The following LRRTM4 variants were observed in gnomAD, a reference collection of about 807,000 sequenced individuals.
The protein encoded by LRRTM4 is leucine rich repeat transmembrane neuronal 4.
Under a neutral mutation model 47.6 loss-of-function variants are expected in LRRTM4, and 25 were observed. The ratio of observed to expected loss-of-function variants is 0.53; its 90% confidence interval spans 0.38 to 0.73. The LOEUF is 0.73. Among genes scored for constraint, LRRTM4 ranks in the 30% least tolerant of loss-of-function variants. LRRTM4 has a pLI of 0.00. For synonymous variants in LRRTM4, 311 were observed against 269.5 expected (o/e 1.15, Z -1.51); for missense variants, 638 against 713.4 (o/e 0.89, Z 1.20).
At chr2:77,135,336 A>G (rs1671906444) in intron 3 of LRRTM4, among the ~76,000 whole-genome samples, 1 of 152,246 alleles carries the variant, frequency 6.6e-6, no homozygotes, top group East Asian at 1.9e-4. Flanking sequence ...TAAATGGCAC[A>G]TTGGCACATG....
Position 76,904,464 on chromosome 2 carries a change from A to G in LRRTM4, c.1552-155548T>C, listed in dbSNP as rs189098994. Among the ~76,000 whole-genome samples the G allele has an allele frequency of 2.1e-4, 32 of 152,350 alleles. No individual in the cohort carries two copies. In the East Asian group the frequency reaches 6.0e-3, roughly 28 times the overall value. ...GCTTTACAATTCCATATATTATTAT[A>G]GGAATATCTTTGTAAGGGAAAATAT... On this transcript the variant is annotated intron_variant, in intron 3 of 3. Coordinates refer to ENST00000409884, the MANE Select transcript of LRRTM4 (RefSeq NM_001134745.3).
chr2:76,843,598 G>C (rs1175524336), intron 3 of LRRTM4, among the ~76,000 whole-genome samples: 1 of 152,134 alleles, frequency 6.6e-6, no homozygotes, highest in Non-Finnish European at 1.5e-5. Flanking sequence ...GTAATAGTGT[G>C]ACTATGTTAA....
intron 3 of LRRTM4, among the ~76,000 whole-genome samples, chr2:77,427,892 C>T (rs960370998): frequency 6.6e-6 from 1 of 152,152 alleles, no homozygotes; most frequent in East Asian, 1.9e-4. Context: ...TTCCCATTTA[C>T]CAACTGATAC....
chr2:77,283,657 C>T (rs1478066156), intron 3 of LRRTM4, among the ~76,000 whole-genome samples: 6 of 152,082 alleles, frequency 3.9e-5, no homozygotes, highest in South Asian at 4.1e-4. Flanking sequence ...GTAATGAAAT[C>T]GTATCTTTTG....
intron 3 of LRRTM4, among the ~76,000 whole-genome samples, chr2:77,308,776 C>G (rs1329861815): frequency 7.4e-6 from 1 of 135,938 alleles, no homozygotes. Flanking sequence ...TTCTTTTGTT[C>G]TGTTTTATTT....
At chr2:77,261,253 T>C (rs920977616) in intron 3 of LRRTM4, among the ~76,000 whole-genome samples, 4 of 152,056 alleles carry the variant, frequency 2.6e-5, no homozygotes, top group African/African-American at 7.2e-5. Context: ...TGTGGTAAAT[T>C]TACACTCACC....
intron 3 of LRRTM4, among the ~76,000 whole-genome samples, chr2:77,005,942 A>G (rs1677626601): frequency 6.6e-6 from 1 of 152,154 alleles, no homozygotes; most frequent in African/African-American, 2.4e-5. Flanking sequence ...TATTTTACAT[A>G]CAGAGAAACT....
intron 3 of LRRTM4, among the ~76,000 whole-genome samples, chr2:77,259,732 G>A (rs2104035383): frequency 6.6e-6 from 1 of 152,112 alleles, no homozygotes; most frequent in African/African-American, 2.4e-5. Flanking sequence ...GGAGAAAAAT[G>A]AGCTAAGATA....
chr2:76,958,840 T>C (rs34256194), intron 3 of LRRTM4, among the ~76,000 whole-genome samples: 44,793 of 151,472 alleles, frequency 0.3, 9,618 homozygotes, highest in African/African-American at 0.61. Context: ...TTTTGAAATA[T>C]GCCCCCTTGC....
At chr2:76,774,860 C>A (rs1673893951) in intron 3 of LRRTM4, among the ~76,000 whole-genome samples, 2 of 152,170 alleles carry the variant, frequency 1.3e-5, no homozygotes, top group African/African-American at 4.8e-5. Flanking sequence ...ACGTAGTAAA[C>A]AAAGTCAAAG....
intron 3 of LRRTM4, among the ~76,000 whole-genome samples, chr2:77,117,676 T>A (rs1470380981): frequency 6.6e-6 from 1 of 152,010 alleles, no homozygotes; most frequent in East Asian, 1.9e-4. Flanking sequence ...TCAGCTGATT[T>A]AATTTTTTTA....
intron 3 of LRRTM4, among the ~76,000 whole-genome samples, chr2:76,796,748 G>C (rs1254907206): frequency 6.6e-6 from 1 of 151,290 alleles, no homozygotes; most frequent in African/African-American, 2.4e-5. Flanking sequence ...CTGAAAAGCA[G>C]AGCACCTCTC....
intron 3 of LRRTM4, among the ~76,000 whole-genome samples, chr2:77,360,285 G>GT (rs1226259302): frequency 6.6e-6 from 1 of 151,868 alleles, no homozygotes; most frequent in African/African-American, 2.4e-5. Context: ...GTGAAACCCC[G>GT]TATCTACTAA....
chr2:77,093,502 A>T (rs1391403555), intron 3 of LRRTM4, among the ~76,000 whole-genome samples: 2 of 151,774 alleles, frequency 1.3e-5, no homozygotes, highest in African/African-American at 2.4e-5. Context: ...CCTTCAGCTT[A>T]ATCTCTCCCT....
chr2:77,023,092 C>G (rs1010393018), intron 3 of LRRTM4, among the ~76,000 whole-genome samples: 1 of 152,246 alleles, frequency 6.6e-6, no homozygotes, highest in Admixed American at 6.5e-5. Context: ...CAATTCTTGA[C>G]TTCTGTGTAC....
chr2:77,461,675 A>G (rs1271437839), intron 3 of LRRTM4, among the ~76,000 whole-genome samples: 1 of 152,112 alleles, frequency 6.6e-6, no homozygotes, highest in East Asian at 1.9e-4. Flanking sequence ...TTTTGCTGTG[A>G]ACTTAAGCAA....
chr2:77,050,661 CAT>C lies in LRRTM4; in HGVS notation c.1552-301747_1552-301746del, dbSNP rs1201459069. Among the ~76,000 whole-genome samples the C allele has an allele frequency of 2.6e-5, 4 of 152,304 alleles. No individual in the cohort carries two copies. In the East Asian group the frequency reaches 7.7e-4, roughly 29 times the overall value. On this transcript the variant is annotated intron_variant, in intron 3 of 3. Coordinates refer to ENST00000409884, the MANE Select transcript of LRRTM4 (RefSeq NM_001134745.3). ...AAACAAACTAGATTTCTGATCTAAA[CAT>C]ATATCTTGAATATTGCAAAATACAT... is the stretch of plus-strand genomic sequence containing the variant.
chr2:77,371,498 A>T (rs529630567), intron 3 of LRRTM4, among the ~76,000 whole-genome samples: 1 of 151,692 alleles, frequency 6.6e-6, no homozygotes, highest in Non-Finnish European at 1.5e-5. Context: ...CAACCTAGAC[A>T]CTTGTGGCTA....
At chr2:77,305,287 C>G (rs150134917) in intron 3 of LRRTM4, among the ~76,000 whole-genome samples, 27 of 151,956 alleles carry the variant, frequency 1.8e-4, no homozygotes, top group African/African-American at 5.5e-4. Context: ...AAATCCTATA[C>G]GCTGTAATTT....
Sources: allele counts gnomAD v4.1 joint callset (sites outside exome capture counted in the v4.1 genomes callset), GRCh38; gene constraint gnomAD v4.1.1; transcripts MANE v1.5; gene names NCBI Gene and HGNC (gene_info 2026-07-23, HGNC 2026-07-21).